The following WLS variants were observed in gnomAD, a reference collection of about 807,000 sequenced individuals.
WLS encodes Wnt ligand secretion mediator, also known as protein wntless homolog.
WLS carries 23 observed loss-of-function variants against 62.8 expected under a neutral mutation model. The observed-to-expected ratio is 0.37, with a 90% CI of 0.26 to 0.52. The LOEUF is 0.52. WLS is among the 20% of genes least tolerant of loss of function. The pLI, the probability that WLS is intolerant of heterozygous loss-of-function variation, is 0.92. For missense variants in WLS, 615 were observed against 697.3 expected (o/e 0.88, Z 1.33); for synonymous variants, 246 against 244.1 (o/e 1.01, Z -0.07).
intron 1 of WLS, among the ~76,000 whole-genome samples, chr1:68,196,626 A>G (rs939485021): frequency 1.3e-5 from 2 of 152,158 alleles, no homozygotes; most frequent in Non-Finnish European, 2.9e-5. Flanking sequence ...CATTTTTAGT[A>G]AAATGTTATG....
At chr1:68,216,858 T>G (rs918401129) in intron 1 of WLS, among the ~76,000 whole-genome samples, 1 of 152,250 alleles carries the variant, frequency 6.6e-6, no homozygotes, top group African/African-American at 2.4e-5. Flanking sequence ...ACAGGGGTCC[T>G]ATTAGCAATA....
chr1:68,167,693 A>G (rs536645318), intron 2 of WLS, among the ~76,000 whole-genome samples: 25 of 152,228 alleles, frequency 1.6e-4, no homozygotes, highest in Non-Finnish European at 3.4e-4. Flanking sequence ...ATACTATACC[A>G]GCAGCTTTGG....
chr1:68,132,813 G>A (rs1646546746), intron 11 of WLS, among the ~76,000 whole-genome samples: 1 of 152,194 alleles, frequency 6.6e-6, no homozygotes, highest in African/African-American at 2.4e-5. Flanking sequence ...AGAATTGTCT[G>A]ACTTCATAAG....
At chr1:68,196,153 A>C (rs1648647555) in intron 1 of WLS, among the ~76,000 whole-genome samples, 1 of 151,242 alleles carries the variant, frequency 6.6e-6, no homozygotes, top group Admixed American at 6.6e-5. Flanking sequence ...TTAAATTTAT[A>C]AATAATAAAT....
At chr1:68,125,211 C>T, downstream of WLS, 15 of 743,532 alleles carry the variant, frequency 2.0e-5, no homozygotes, top group Non-Finnish European at 2.5e-5. Flanking sequence ...CCACACAGGA[C>T]AGAAAATGTC....
intron 6 of WLS, 71 bp from the exon 7 acceptor site, chr1:68,148,731 C>T: frequency 1.4e-6 from 2 of 1,424,756 alleles, no homozygotes; most frequent in East Asian, 2.4e-5. Context: ...GGGGAGTCAG[C>T]ATTCGAAGGA....
At chr1:68,110,777 A>G (rs1264106793) in intron 11 of WLS, among the ~76,000 whole-genome samples, 1 of 151,870 alleles carries the variant, frequency 6.6e-6, no homozygotes, top group Non-Finnish European at 1.5e-5. Flanking sequence ...TCGATAAAGG[A>G]TATTGTGTTG....
intron 2 of WLS, among the ~76,000 whole-genome samples, chr1:68,174,073 C>T (rs1647193920): frequency 1.3e-5 from 2 of 152,130 alleles, no homozygotes; most frequent in African/African-American, 4.8e-5. Context: ...TCTGCCTTGC[C>T]CAGGGAAGGG....
At chr1:68,188,992 G>T (rs1049213214) in intron 2 of WLS, among the ~76,000 whole-genome samples, 1 of 152,182 alleles carries the variant, frequency 6.6e-6, no homozygotes, top group Admixed American at 6.5e-5. Flanking sequence ...AGTTAGCAGA[G>T]GTCAATCACA....
chr1:68,205,128 C>T (rs529833762), intron 1 of WLS, among the ~76,000 whole-genome samples: 1 of 152,324 alleles, frequency 6.6e-6, no homozygotes, highest in South Asian at 2.1e-4. Flanking sequence ...TCAAAGTACA[C>T]TTAGACTGGC....
At chr1:68,105,509 G>A (rs1302637580) in intron 11 of WLS, among the ~76,000 whole-genome samples, 1 of 152,178 alleles carries the variant, frequency 6.6e-6, no homozygotes, top group Non-Finnish European at 1.5e-5. Context: ...ATGGTTTTGA[G>A]TAGCAACTTT....
rs1220457641 is a variant in WLS, at chr1:68,208,971, G to T, written c.107-14744C>A. On this transcript the variant is annotated intron_variant, in intron 1 of 11. Coordinates refer to ENST00000262348, the MANE Select transcript of WLS (RefSeq NM_024911.7). ...CAATTTCCTCTTATTATTCTTGGCT[G>T]CCCGGTCCCCATCCCTCTACTCAGA... is the stretch of plus-strand genomic sequence containing the variant. Among the ~76,000 whole-genome samples, 5 of 152,112 alleles carry T rather than the reference G, an allele frequency of 3.3e-5. No individual in the cohort carries two copies. The East Asian group carries it at 9.6e-4, about 29-fold the overall frequency.
At chr1:68,124,592 C>T (rs1017339), downstream of WLS, among the ~76,000 whole-genome samples, 94,704 of 152,018 alleles carry the variant, frequency 0.62, 30,219 homozygotes, top group Middle Eastern at 0.72. Context: ...CTGGGAGGCA[C>T]GGCTCCCTTT....
In WLS at chr1:68,232,333, A is replaced by C; in HGVS notation, c.-34T>G. 1 of 1,611,360 alleles carries C rather than the reference A, an allele frequency of 6.2e-7. No homozygotes were observed. The highest frequency in any genetic ancestry group is 1.1e-5 in the South Asian group (1 of 90,540). On this transcript the variant is annotated 5_prime_UTR_variant, in exon 1 of 12. Coordinates refer to ENST00000262348, the MANE Select transcript of WLS (RefSeq NM_024911.7). ...CCCCCCTTTTTCTTTTCTCCTTGAA[A>C]TAAATGTTTTAGGGTGAGCTTTTTG... is the stretch of plus-strand genomic sequence containing the variant.
rs1271701647 is a variant in WLS, at chr1:68,232,423, T to G, written c.-124A>C. 4 of 1,436,470 alleles carry G rather than the reference T, an allele frequency of 2.8e-6. No individual in the cohort carries two copies. Among genetic ancestry groups the G allele is most frequent in the Non-Finnish European group, 3.7e-6 (4 of 1,093,594 alleles). 89.0% of individuals were successfully genotyped at this position (1,436,470 alleles called of 1,614,324 possible). A position where few individuals can be genotyped will look rare whatever the true frequency, so the allele number is the denominator to read the frequency against. ...TCTGGGCGCTGCAAAACTTCAGAGG[T>G]GCTGGAGCGCGGCGAGGATGGGACC... On this transcript the variant is annotated 5_prime_UTR_variant, in exon 1 of 12. Transcript: ENST00000262348.
intron 1 of WLS, among the ~76,000 whole-genome samples, chr1:68,197,072 C>A (rs1648705941): frequency 6.6e-6 from 1 of 152,068 alleles, no homozygotes; most frequent in African/African-American, 2.4e-5. Context: ...CCAAAATGAA[C>A]CTAACCTTTT....
chr1:68,105,748 C>T (rs11209216), intron 11 of WLS, among the ~76,000 whole-genome samples: 64,627 of 151,840 alleles, frequency 0.43, 13,816 homozygotes, highest in Non-Finnish European at 0.44. Flanking sequence ...GGAGCCAGAA[C>T]CTGCCTGAAC....
chr1:68,128,976 C>T (rs768755926), intron 11 of WLS, among the ~76,000 whole-genome samples: 1 of 150,336 alleles, frequency 6.7e-6, no homozygotes. Context: ...TTTCCAGCAG[C>T]CAGTGAGACT....
intron 9 of WLS, among the ~76,000 whole-genome samples, 159 bp downstream of exon 9, chr1:68,145,710 A>G (rs1646743862): frequency 3.9e-5 from 6 of 152,166 alleles, no homozygotes; most frequent in Admixed American, 3.9e-4. Flanking sequence ...TTCTCAGAGT[A>G]AGATTTGGCC....
Sources: allele counts gnomAD v4.1 joint callset (sites outside exome capture counted in the v4.1 genomes callset), GRCh38; gene constraint gnomAD v4.1.1; transcripts MANE v1.5; gene names NCBI Gene and HGNC (gene_info 2026-07-23, HGNC 2026-07-21).